Variants in SDK1 observed in about 807,000 individuals in gnomAD.
SDK1 encodes the protein protein sidekick-1.
Under a neutral mutation model 245.5 loss-of-function variants are expected in SDK1, and 157 were observed. The observed-to-expected ratio is 0.64, with a 90% CI of 0.56 to 0.73. The LOEUF (loss-of-function observed/expected upper bound fraction) is 0.73. SDK1 is among the 30% of genes least tolerant of loss of function. The pLI, the probability that SDK1 is intolerant of heterozygous loss-of-function variation, is 0.00. For missense variants in SDK1, 3,583 were observed against 3,002.3 expected, an observed-to-expected ratio of 1.19 and a Z score of -4.52; for synonymous variants, 1,647 against 1,278.5, an observed-to-expected ratio of 1.29 and a Z score of -6.15.
intron 4 of SDK1, among the ~76,000 whole-genome samples, chr7:3,644,624 G>C: frequency 6.6e-6 from 1 of 151,172 alleles, no homozygotes. Context: ...AAAATAGCTG[G>C]GTGTGGTGGC....
intron 19 of SDK1, among the ~76,000 whole-genome samples, chr7:4,066,806 C>T (rs1044607802): frequency 6.6e-6 from 1 of 152,226 alleles, no homozygotes; most frequent in Non-Finnish European, 1.5e-5. Flanking sequence ...CCTGCTGTCC[C>T]TGAGTCGCAG....
At chr7:3,908,587 C>T (rs1779043282) in intron 5 of SDK1, among the ~76,000 whole-genome samples, 1 of 149,176 alleles carries the variant, frequency 6.7e-6, no homozygotes, top group African/African-American at 2.6e-5. Flanking sequence ...CCATTCATCT[C>T]TTCCTTCCTT....
intron 1 of SDK1, among the ~76,000 whole-genome samples, chr7:3,445,911 T>C (rs1780328494): frequency 6.6e-6 from 1 of 152,134 alleles, no homozygotes; most frequent in African/African-American, 2.4e-5. Context: ...TTTTTCAACT[T>C]TCTTTACATA....
At chr7:3,406,637 C>T (rs1458833381) in intron 1 of SDK1, among the ~76,000 whole-genome samples, 2 of 152,112 alleles carry the variant, frequency 1.3e-5, no homozygotes, top group African/African-American at 4.8e-5. Context: ...GACCAGGGCA[C>T]TAAACGAGAA....
intron 4 of SDK1, among the ~76,000 whole-genome samples, chr7:3,704,341 A>G (rs966007848): frequency 6.7e-6 from 1 of 148,746 alleles, no homozygotes. Context: ...GGCACTTAGG[A>G]TGAGGATCCA....
intron 2 of SDK1, among the ~76,000 whole-genome samples, chr7:3,630,423 G>A (rs920399424): frequency 5.3e-5 from 8 of 152,126 alleles, no homozygotes; most frequent in African/African-American, 1.9e-4. Context: ...CAACATATAA[G>A]AATTAATTAT....
At chr7:4,079,253 A>G (rs1287003586) in intron 21 of SDK1, among the ~76,000 whole-genome samples, 1 of 152,202 alleles carries the variant, frequency 6.6e-6, no homozygotes, top group Non-Finnish European at 1.5e-5. Flanking sequence ...CCCAAAGCCC[A>G]CTGGGTCACC....
intron 4 of SDK1, among the ~76,000 whole-genome samples, chr7:3,769,625 A>C (rs1780349558): frequency 1.3e-5 from 2 of 152,084 alleles, no homozygotes; most frequent in South Asian, 4.1e-4. Flanking sequence ...ATCTTGCAGA[A>C]TTGCACTGGA....
rs1408269977 is a variant in SDK1 at position 3,511,302 on chromosome 7, A to G, written c.299-107778A>G. On this transcript the variant is annotated intron_variant, in intron 1 of 44. Transcript: ENST00000404826. Reference sequence around the variant, plus strand: ...TTTTTGCTTTCTTTTTAGATGCAGAATAATATCTACCTATTTACGTGTGTT... The same window carrying G: ...TTTTTGCTTTCTTTTTAGATGCAGAGTAATATCTACCTATTTACGTGTGTT... Among the ~76,000 whole-genome samples the G allele has an allele frequency of 2.0e-5, 3 of 152,236 alleles. No homozygotes were observed. The East Asian group carries it at 5.8e-4, about 29-fold the overall frequency.
intron 5 of SDK1, among the ~76,000 whole-genome samples, chr7:3,867,746 A>G (rs1780856835): frequency 6.6e-6 from 1 of 152,184 alleles, no homozygotes; most frequent in South Asian, 2.1e-4. Flanking sequence ...ATCACTTAAA[A>G]TATGGTTTTT....
chr7:3,770,605 G>C (rs1023483570), intron 4 of SDK1, among the ~76,000 whole-genome samples: 2 of 152,196 alleles, frequency 1.3e-5, no homozygotes, highest in African/African-American at 4.8e-5. Flanking sequence ...CCCAGCCTGG[G>C]CACTTGTTGT....
chr7:3,974,307 G>T (rs935644884), intron 12 of SDK1, 62 bp from the exon 13 acceptor site: 6 of 1,441,618 alleles, frequency 4.2e-6, no homozygotes, highest in Non-Finnish European at 4.8e-6. Flanking sequence ...AAGAGACAGG[G>T]AAGGAGCAGT....
chr7:4,146,012 G>C, intron 29 of SDK1, 96 bp downstream of exon 29: 1 of 1,102,436 alleles, frequency 9.1e-7, no homozygotes, highest in Non-Finnish European at 1.3e-6. Flanking sequence ...GGGAGGCTTC[G>C]GCCTTCCCTT....
At chr7:3,586,157 C>G (rs1780681119) in intron 1 of SDK1, among the ~76,000 whole-genome samples, 2 of 151,446 alleles carry the variant, frequency 1.3e-5, no homozygotes, top group Admixed American at 6.6e-5. Context: ...TTGCCTAACT[C>G]TCAGTGAAGT....
At chr7:3,782,397 A>G (rs956193504) in intron 4 of SDK1, among the ~76,000 whole-genome samples, 7 of 152,222 alleles carry the variant, frequency 4.6e-5, no homozygotes, top group Admixed American at 1.3e-4. Flanking sequence ...CACCTCCAAG[A>G]ACGTGGATCA....
At chr7:3,797,039 C>G (rs1424935659) in intron 4 of SDK1, among the ~76,000 whole-genome samples, 2 of 150,600 alleles carry the variant, frequency 1.3e-5, no homozygotes, top group African/African-American at 2.4e-5. Context: ...GGGTCTTGCT[C>G]TGTGTCCTGG....
At chr7:4,084,677 TTA>T (rs1356233712) in intron 22 of SDK1, among the ~76,000 whole-genome samples, 2 of 72,456 alleles carry the variant, frequency 2.8e-5, no homozygotes, top group Non-Finnish European at 5.5e-5. Context: ...TTATGTTACG[TTA>T]TGTTATGTTA....
At chr7:3,510,950 A>C (rs1288440481) in intron 1 of SDK1, among the ~76,000 whole-genome samples, 2 of 152,242 alleles carry the variant, frequency 1.3e-5, no homozygotes, top group Non-Finnish European at 2.9e-5. Context: ...CCATCAGAAC[A>C]AGAAGAGATG....
intron 1 of SDK1, among the ~76,000 whole-genome samples, chr7:3,357,326 GTGTTTTTTT>G (rs1780826622): frequency 4.0e-5 from 2 of 50,130 alleles, no homozygotes; most frequent in African/African-American, 6.4e-5. Flanking sequence ...CCTTCTTTTA[GTGTTTTTTT>G]TTTTTTTTTT....
Sources: allele counts gnomAD v4.1 joint callset (sites outside exome capture counted in the v4.1 genomes callset), GRCh38; gene constraint gnomAD v4.1.1; transcripts MANE v1.5; gene names NCBI Gene and HGNC (gene_info 2026-07-23, HGNC 2026-07-21).